The following SCAPER variants were observed in gnomAD, a reference collection of about 807,000 sequenced individuals.
SCAPER encodes the protein S phase cyclin A-associated protein in the endoplasmic reticulum.
Under a neutral mutation model 182.2 loss-of-function variants are expected in SCAPER, and 98 were observed. That is an observed-to-expected ratio of 0.54 (90% CI 0.46 to 0.64). The LOEUF is 0.64. Among genes scored for constraint, SCAPER ranks in the 30% least tolerant of loss-of-function variants. The pLI, the probability that SCAPER is intolerant of heterozygous loss-of-function variation, is 0.00. For synonymous variants in SCAPER, 605 were observed against 564.6 expected, an observed-to-expected ratio of 1.07 and a Z score of -1.01; for missense variants, 1,432 against 1,690.0, an observed-to-expected ratio of 0.85 and a Z score of 2.68.
At chr15:76,636,096 GACAA>G (rs976640060) in intron 21 of SCAPER, among the ~76,000 whole-genome samples, 23 of 152,146 alleles carry the variant, frequency 1.5e-4, no homozygotes, top group East Asian at 1.3e-3. Flanking sequence ...GTCTACTAGT[GACAA>G]ACAATTCAGT....
intron 5 of SCAPER, among the ~76,000 whole-genome samples, chr15:76,815,829 T>C (rs1283424478): frequency 6.6e-6 from 1 of 152,194 alleles, no homozygotes; most frequent in African/African-American, 2.4e-5. Context: ...CCCCAGTCCG[T>C]TGAAACATTG....
intron 14 of SCAPER, among the ~76,000 whole-genome samples, chr15:76,761,652 G>A (rs2062794551): frequency 6.6e-6 from 1 of 152,094 alleles, no homozygotes; most frequent in Admixed American, 6.6e-5. Context: ...AAAAGATATT[G>A]GTATGATTTC....
intron 1 of SCAPER, among the ~76,000 whole-genome samples, chr15:76,889,676 C>A (rs1470860689): frequency 6.6e-6 from 1 of 152,128 alleles, no homozygotes; most frequent in Non-Finnish European, 1.5e-5. Flanking sequence ...TAAAGCAAGT[C>A]CTTAGAGACC....
intron 15 of SCAPER, among the ~76,000 whole-genome samples, chr15:76,745,239 A>C (rs2061732368): frequency 6.6e-6 from 1 of 152,168 alleles, no homozygotes; most frequent in Non-Finnish European, 1.5e-5. Flanking sequence ...TAGGAGTTCA[A>C]GACCAGCCTG....
intron 23 of SCAPER, among the ~76,000 whole-genome samples, chr15:76,524,265 T>C (rs2043022120): frequency 6.6e-6 from 1 of 152,082 alleles, no homozygotes; most frequent in Non-Finnish European, 1.5e-5. Flanking sequence ...TAGTCTACCC[T>C]GTGGAGAATG....
chr15:76,508,717 T>C (rs983865186), intron 23 of SCAPER, among the ~76,000 whole-genome samples: 1 of 152,152 alleles, frequency 6.6e-6, no homozygotes, highest in Non-Finnish European at 1.5e-5. Flanking sequence ...GTATATCTTA[T>C]AATAGGGTGA....
At chr15:76,888,340 A>C (rs1213356483) in intron 1 of SCAPER, among the ~76,000 whole-genome samples, 1 of 152,204 alleles carries the variant, frequency 6.6e-6, no homozygotes, top group African/African-American at 2.4e-5. Flanking sequence ...AGTTGACAGA[A>C]GTAGGCTTCG....
At chr15:76,814,534 T>C (rs1329975892) in intron 5 of SCAPER, among the ~76,000 whole-genome samples, 1 of 152,162 alleles carries the variant, frequency 6.6e-6, no homozygotes, top group African/African-American at 2.4e-5. Flanking sequence ...AACTCTTCAA[T>C]AGTGTTGGGA....
chr15:76,529,134 C>T (rs769512096), intron 23 of SCAPER, among the ~76,000 whole-genome samples: 1 of 152,172 alleles, frequency 6.6e-6, no homozygotes, highest in Non-Finnish European at 1.5e-5. Flanking sequence ...ACCTCTGCCT[C>T]TCAGGTTCAA....
intron 20 of SCAPER, among the ~76,000 whole-genome samples, chr15:76,685,841 A>G (rs1359330006): frequency 6.6e-6 from 1 of 152,110 alleles, no homozygotes. Context: ...GAAACAGTTC[A>G]TGCATGCATG....
intron 5 of SCAPER, among the ~76,000 whole-genome samples, chr15:76,835,380 G>A (rs907148223): frequency 1.3e-5 from 2 of 152,066 alleles, no homozygotes; most frequent in Non-Finnish European, 2.9e-5. Flanking sequence ...GAGATGTAAG[G>A]TTGGTTCACA....
At chr15:76,820,110 G>A (rs1200571920) in intron 5 of SCAPER, among the ~76,000 whole-genome samples, 1 of 152,114 alleles carries the variant, frequency 6.6e-6, no homozygotes, top group African/African-American at 2.4e-5. Context: ...AGAGGATGTG[G>A]AGAAATAGGA....
At chr15:76,648,398 G>A (rs552940162) in intron 21 of SCAPER, among the ~76,000 whole-genome samples, 2 of 152,200 alleles carry the variant, frequency 1.3e-5, no homozygotes, top group Non-Finnish European at 2.9e-5. Flanking sequence ...AATATAAAAT[G>A]TTCTGTATTA....
intron 20 of SCAPER, among the ~76,000 whole-genome samples, chr15:76,679,197 A>G (rs1384413392): frequency 6.6e-6 from 1 of 152,212 alleles, no homozygotes; most frequent in African/African-American, 2.4e-5. Flanking sequence ...GTGTGTTTAG[A>G]GATTCAAGAA....
At chr15:76,882,452 C>T (rs1387316511) in intron 2 of SCAPER, among the ~76,000 whole-genome samples, 2 of 151,750 alleles carry the variant, frequency 1.3e-5, no homozygotes, top group African/African-American at 4.8e-5. Context: ...TCTATCCCCT[C>T]TAAGACCATT....
chr15:76,618,088 C>T (rs750134993), intron 22 of SCAPER, among the ~76,000 whole-genome samples: 1 of 152,006 alleles, frequency 6.6e-6, no homozygotes, highest in Non-Finnish European at 1.5e-5. Flanking sequence ...GGTGAAACCC[C>T]GTCTCTACTA....
chr15:76,817,307 C>G (rs1264512541), intron 5 of SCAPER, among the ~76,000 whole-genome samples: 3 of 151,958 alleles, frequency 2.0e-5, no homozygotes, highest in African/African-American at 7.3e-5. Context: ...GTGAAATAAG[C>G]CAGACCTACA....
chr15:76,728,024 C>G (rs1567943506), intron 17 of SCAPER, among the ~76,000 whole-genome samples: 1 of 151,978 alleles, frequency 6.6e-6, no homozygotes, highest in Non-Finnish European at 1.5e-5. Flanking sequence ...TCACATCTAC[C>G]AACTTCGCTA....
chr15:76,769,244 C>T (rs2063300493), intron 10 of SCAPER, among the ~76,000 whole-genome samples: 1 of 151,692 alleles, frequency 6.6e-6, no homozygotes, highest in South Asian at 2.1e-4. Flanking sequence ...ATATCGAGAC[C>T]AGCCTGGCTA....
Sources: allele counts gnomAD v4.1 joint callset (sites outside exome capture counted in the v4.1 genomes callset), GRCh38; gene constraint gnomAD v4.1.1; transcripts MANE v1.5; gene names NCBI Gene and HGNC (gene_info 2026-07-23, HGNC 2026-07-21).